LMO3: variants seen among roughly 807,000 people sequenced by gnomAD.
The protein encoded by LMO3 is LIM domain only protein 3.
In LMO3, 2 loss-of-function variants were observed where a neutral mutation model predicts 15.8. The observed-to-expected ratio is 0.13, with a 90% CI of 0.05 to 0.40. The LOEUF (loss-of-function observed/expected upper bound fraction) is 0.40, where lower values mean the gene tolerates loss of function less well. Ranked by LOEUF, LMO3 falls within the 10% of genes least tolerant of loss-of-function variation. The probability of loss-of-function intolerance (pLI) is 0.99; values close to 1 mark genes in which losing one functional copy is unlikely to be tolerated. For missense variants in LMO3, 86 were observed against 182.2 expected, an observed-to-expected ratio of 0.47 and a Z score of 3.04; for synonymous variants, 62 against 63.8, an observed-to-expected ratio of 0.97 and a Z score of 0.13.
rs556007557 is a variant in LMO3 at position 16,584,591 on chromosome 12, G to A, written c.206+16064C>T. Among the ~76,000 whole-genome samples, 3 of 152,134 alleles carry A rather than the reference G, an allele frequency of 2.0e-5. No individual in the cohort carries two copies. Among genetic ancestry groups the A allele is most frequent in the Non-Finnish European group, 1.5e-5 (1 of 68,018 alleles). On this transcript the variant is annotated intron_variant, in intron 2 of 3. Coordinates refer to ENST00000537304, the MANE Select transcript of LMO3 (RefSeq NM_018640.5). This position sits in a 1 kb window ranked among gnomAD's most constrained non-coding sequence, Gnocchi z 5.2. ...ACATTGGCAAGTGGAGGAGTGGGGG[G>A]GGTAAGAGGCCTGTTTAGAGGTGGA... is the stretch of plus-strand genomic sequence containing the variant.
Position 16,586,540 on chromosome 12 carries a change from A to G in LMO3, c.206+14115T>C, listed in dbSNP as rs1222797897. Among the ~76,000 whole-genome samples, 1 of 152,162 alleles carries G rather than the reference A, an allele frequency of 6.6e-6. No individual in the cohort carries two copies. Among genetic ancestry groups the G allele is most frequent in the Non-Finnish European group, 1.5e-5 (1 of 68,032 alleles). On this transcript the variant is annotated intron_variant, in intron 2 of 3. Transcript: ENST00000537304. The surrounding 1 kb of genome is among the most constrained non-coding windows in gnomAD (Gnocchi z 4.3). ...AAAATCTGTTGTATAATATTGTCAG[A>G]TTCAGGCCAACTGAATTCTGGAGGA...
intron 2 of LMO3, among the ~76,000 whole-genome samples, chr12:16,564,503 A>G (rs1942521536): frequency 6.6e-6 from 1 of 152,220 alleles, no homozygotes; most frequent in African/African-American, 2.4e-5. Flanking sequence ...TAACATAGCA[A>G]TAATGAATGT....
rs1403773182 is a variant in LMO3 at position 16,585,313 on chromosome 12, A to G, written c.206+15342T>C. ...CAAGTTATTGATTACTGCTTCAAGA[A>G]AAAGGATTTGCATATTTGTGTATAT... On this transcript the variant is annotated intron_variant, in intron 2 of 3. Coordinates refer to ENST00000537304, the MANE Select transcript of LMO3 (RefSeq NM_018640.5). This position sits in a 1 kb window ranked among gnomAD's most constrained non-coding sequence, Gnocchi z 4.7. 6.6e-6 allele frequency among the ~76,000 whole-genome samples: 1 copy of G among 152,196 alleles called. No homozygotes were observed. Among genetic ancestry groups the G allele is most frequent in the East Asian group, 1.9e-4 (1 of 5,196 alleles).
At chr12:16,573,912 T>A (rs1286109398) in intron 2 of LMO3, 1 of 152,238 alleles carries the variant, frequency 6.6e-6, no homozygotes, top group Non-Finnish European at 1.5e-5. Flanking sequence ...TTTTCACACC[T>A]GATAGGCCCT....
At chr12:16,605,178 C>T in intron 1 of LMO3, 2 of 1,349,282 alleles carry the variant, frequency 1.5e-6, no homozygotes, top group South Asian at 3.7e-5. Context: ...TAACTCTGCC[C>T]GTAATCCTAA....
intron 2 of LMO3, among the ~76,000 whole-genome samples, chr12:16,578,427 GAGA>G (rs1329789666): frequency 6.6e-6 from 1 of 152,220 alleles, no homozygotes; most frequent in African/African-American, 2.4e-5. Flanking sequence ...GAACAGGGAA[GAGA>G]AGAAGCAGTT....
At chr12:16,578,158 T>C (rs1486757381) in intron 2 of LMO3, among the ~76,000 whole-genome samples, 1 of 152,216 alleles carries the variant, frequency 6.6e-6, no homozygotes, top group East Asian at 1.9e-4. Context: ...TTTAAACTCA[T>C]AGTTTCATGA....
chr12:16,594,250 C>A (rs771202751), intron 2 of LMO3: 2 of 1,529,112 alleles, frequency 1.3e-6, no homozygotes, highest in African/African-American at 2.7e-5. Flanking sequence ...TAGATCCACA[C>A]CTCTTCAAAT....
chr12:16,552,112 A>T (rs933174823), intron 3 of LMO3, among the ~76,000 whole-genome samples: 13 of 152,176 alleles, frequency 8.5e-5, no homozygotes, highest in African/African-American at 2.6e-4. Context: ...AATGTTTTTA[A>T]TAAGTGTTCT....
chr12:16,558,736 T>C (rs780038767), intron 3 of LMO3, among the ~76,000 whole-genome samples: 10 of 152,132 alleles, frequency 6.6e-5, no homozygotes, highest in Non-Finnish European at 5.9e-5. Context: ...AATATCTACA[T>C]TTAGCAAGAA....
At position 16,585,057 on chromosome 12, in the gene LMO3, T is replaced by A. The variant is rs950612877; in HGVS notation, c.206+15598A>T. Among the ~76,000 whole-genome samples, 3 of 152,172 alleles carry A rather than the reference T, an allele frequency of 2.0e-5. No individual in the cohort carries two copies. The highest frequency in any genetic ancestry group is 2.0e-4 in the Admixed American group (3 of 15,264). ...TTTACTGAAATATCTAGAAAAAATATCTGGTTTATCCAGAAAAATCAGCAA... is the reference window on the plus strand; with the variant it reads ...TTTACTGAAATATCTAGAAAAAATAACTGGTTTATCCAGAAAAATCAGCAA... On this transcript the variant is annotated intron_variant, in intron 2 of 3. Transcript: ENST00000537304. This position sits in a 1 kb window ranked among gnomAD's most constrained non-coding sequence, Gnocchi z 4.7.
chr12:16,605,062 C>A, intron 1 of LMO3: 1 of 1,488,840 alleles, frequency 6.7e-7, no homozygotes, highest in East Asian at 2.4e-5. Context: ...GGAGTGGCGG[C>A]AGGGGGTGGG....
intron 2 of LMO3, among the ~76,000 whole-genome samples, chr12:16,595,505 A>AT (rs1943621093): frequency 1.3e-5 from 2 of 151,366 alleles, no homozygotes; most frequent in Non-Finnish European, 3.0e-5. Flanking sequence ...GAATTATCCA[A>AT]AAAAATTATC....
Position 16,572,003 on chromosome 12 carries a change from A to G in LMO3, c.207-11465T>C, listed in dbSNP as rs539200575. ...TAAGAGAAAAATCCCACATTATCAAAATAAAGCCATGAAAGCAATTATTTG... is the reference window on the plus strand; with the variant it reads ...TAAGAGAAAAATCCCACATTATCAAGATAAAGCCATGAAAGCAATTATTTG... On this transcript the variant is annotated intron_variant, in intron 2 of 3. Coordinates refer to ENST00000537304, the MANE Select transcript of LMO3 (RefSeq NM_018640.5). Among the ~76,000 whole-genome samples, 6 of 152,150 alleles carry G rather than the reference A, an allele frequency of 3.9e-5. 1 individual carries two copies. In the South Asian group the frequency reaches 1.2e-3, roughly 32 times the overall value.
At position 16,600,826 on chromosome 12, in the gene LMO3, C is replaced by A. The variant is rs1372558660; in HGVS notation, c.35G>T (p.Gly12Val). 1 of 1,614,124 alleles carries A rather than the reference C, an allele frequency of 6.2e-7. No individual in the cohort carries two copies. The highest frequency in any genetic ancestry group is 2.2e-5 in the East Asian group (1 of 44,872). ...GATCTTTCGGTTGCAGCCAGCACAA[C>A]CTTTCGGCTTGGTGTCTGGCTGGAC... ...LSVQPDTKPK[G>V]CAGCNRKIKD... is the part of the protein sequence containing the mutation. The change falls in exon 2 of 4, where the codon GGT becomes GTT. Residue 12 changes from glycine (G) to valine (V), a missense_variant. Gly to Val is a moderately radical substitution (Grantham distance 109, BLOSUM62 -3). Coordinates refer to ENST00000537304, the MANE Select transcript of LMO3 (RefSeq NM_018640.5).
Position 16,589,747 on chromosome 12 carries a change from C to T in LMO3, c.206+10908G>A, listed in dbSNP as rs116047079. Among the ~76,000 whole-genome samples, 671 of 152,154 alleles carry T rather than the reference C, an allele frequency of 4.4e-3. 4 individuals carry two copies. The highest frequency in any genetic ancestry group is 0.015 in the African/African-American group (623 of 41,520). Reference sequence around the variant, plus strand: ...TTGATCTGCCTTGGAAGACGAGGATCACCAAGTGATTAGGAATATAGGTTC... The same window carrying T: ...TTGATCTGCCTTGGAAGACGAGGATTACCAAGTGATTAGGAATATAGGTTC... On this transcript the variant is annotated intron_variant, in intron 2 of 3. Coordinates refer to ENST00000537304, the MANE Select transcript of LMO3 (RefSeq NM_018640.5). This position sits in a 1 kb window ranked among gnomAD's most constrained non-coding sequence, Gnocchi z 4.2.
chr12:16,559,960 T>TA lies in LMO3; in HGVS notation c.332+452dup, dbSNP rs910821849. On this transcript the variant is annotated intron_variant, in intron 3 of 3. Coordinates refer to ENST00000537304, the MANE Select transcript of LMO3 (RefSeq NM_018640.5). This position sits in a 1 kb window ranked among gnomAD's most constrained non-coding sequence, Gnocchi z 4.1. The stretch of plus-strand genomic sequence containing the variant: ...GGGTGACAGAACCAGACCTTGTATT[T>TA]AAAAAAGCAAAAACAAAAACATGAG... Among the ~76,000 whole-genome samples, 41 of 151,694 alleles carry TA rather than the reference T, an allele frequency of 2.7e-4. No individual in the cohort carries two copies. The highest frequency in any genetic ancestry group is 9.4e-4 in the African/African-American group (39 of 41,300).
chr12:16,573,174 A>C (rs1196051462), intron 2 of LMO3, among the ~76,000 whole-genome samples: 2 of 152,120 alleles, frequency 1.3e-5, no homozygotes. Context: ...ATGTCTATTC[A>C]TAAGTGCCCC....
At chr12:16,568,150 T>C (rs1942685414) in intron 2 of LMO3, among the ~76,000 whole-genome samples, 1 of 152,198 alleles carries the variant, frequency 6.6e-6, no homozygotes, top group African/African-American at 2.4e-5. Flanking sequence ...CTGGGTATTG[T>C]ATGTTAATGG....
Sources: allele counts gnomAD v4.1 joint callset (sites outside exome capture counted in the v4.1 genomes callset), GRCh38; gene constraint gnomAD v4.1.1; non-coding constraint Gnocchi (gnomAD v3.1); transcripts MANE v1.5; gene names NCBI Gene and HGNC (gene_info 2026-07-23, HGNC 2026-07-21).